Variants in PCSK2 observed in about 807,000 individuals in gnomAD.
PCSK2 encodes neuroendocrine convertase 2.
A neutral mutation model predicts 69.7 loss-of-function variants in PCSK2; 14 were observed. The ratio of observed to expected loss-of-function variants is 0.20; its 90% confidence interval spans 0.13 to 0.31. The LOEUF is 0.31. PCSK2 is among the 10% of genes least tolerant of loss of function. The probability of loss-of-function intolerance (pLI) is 1.00; values close to 1 mark genes in which losing one functional copy is unlikely to be tolerated. For missense variants in PCSK2, 544 were observed against 842.5 expected (o/e 0.65, Z 4.39); for synonymous variants, 307 against 320.7 (o/e 0.96, Z 0.46).
intron 2 of PCSK2, among the ~76,000 whole-genome samples, chr20:17,296,520 T>C (rs1236349982): frequency 6.6e-6 from 1 of 152,166 alleles, no homozygotes; most frequent in East Asian, 1.9e-4. Flanking sequence ...TTCCAGAAAT[T>C]CTTCCAACCT....
intron 6 of PCSK2, among the ~76,000 whole-genome samples, chr20:17,422,093 A>C (rs1194366695): frequency 6.6e-6 from 1 of 152,186 alleles, no homozygotes; most frequent in African/African-American, 2.4e-5. Flanking sequence ...AAGCATGGAC[A>C]TGAAAAGAAC....
At chr20:17,457,441 C>T (rs191220709) in intron 10 of PCSK2, among the ~76,000 whole-genome samples, 185 of 152,306 alleles carry the variant, frequency 1.2e-3, no homozygotes, top group Non-Finnish European at 5.7e-4. Context: ...TAGTTCAACC[C>T]TCTACCTTCA....
intron 6 of PCSK2, among the ~76,000 whole-genome samples, chr20:17,423,183 TTA>T (rs1451489261): frequency 1.3e-5 from 2 of 152,162 alleles, no homozygotes; most frequent in African/African-American, 4.8e-5. Context: ...GAGCTTGATT[TTA>T]TATGTTTTAG....
At chr20:17,297,482 A>G (rs1988932751) in intron 2 of PCSK2, among the ~76,000 whole-genome samples, 1 of 152,236 alleles carries the variant, frequency 6.6e-6, no homozygotes, top group African/African-American at 2.4e-5. Context: ...TCCAGATTCA[A>G]CACTACCGTC....
chr20:17,303,503 A>AG (rs1989204134), intron 2 of PCSK2, among the ~76,000 whole-genome samples: 1 of 43,256 alleles, frequency 2.3e-5, no homozygotes, highest in African/African-American at 8.4e-5. Flanking sequence ...TTAATATAAT[A>AG]TATATTATAT....
At chr20:17,424,486 C>G (rs34784113) in intron 6 of PCSK2, among the ~76,000 whole-genome samples, 1 of 151,952 alleles carries the variant, frequency 6.6e-6, no homozygotes, top group Non-Finnish European at 1.5e-5. Context: ...TTTCTTGGCG[C>G]GGAGGGGGTT....
chr20:17,452,175 C>T (rs967906271), intron 8 of PCSK2, among the ~76,000 whole-genome samples: 54 of 152,000 alleles, frequency 3.6e-4, no homozygotes, highest in Non-Finnish European at 2.2e-4. Context: ...CCACCGCGCC[C>T]GGCCACACTT....
chr20:17,303,451 TATATTA>T (rs1989173914), intron 2 of PCSK2, among the ~76,000 whole-genome samples: 1 of 64,576 alleles, frequency 1.5e-5, no homozygotes, highest in South Asian at 3.4e-4. Context: ...TAATATATAT[TATATTA>T]AATATAATAT....
intron 2 of PCSK2, among the ~76,000 whole-genome samples, chr20:17,343,776 G>A (rs747821339): frequency 2.0e-5 from 3 of 152,242 alleles, no homozygotes; most frequent in Admixed American, 2.0e-4. Context: ...CCACTGTTGC[G>A]CCGTTAATGA....
At chr20:17,295,205 AC>A (rs1248845890) in intron 2 of PCSK2, among the ~76,000 whole-genome samples, 2 of 146,142 alleles carry the variant, frequency 1.4e-5, no homozygotes, top group Non-Finnish European at 1.5e-5. Context: ...CTGCATTTAT[AC>A]GCAGTTAACA....
intron 2 of PCSK2, among the ~76,000 whole-genome samples, chr20:17,315,171 G>C (rs1166293795): frequency 6.6e-6 from 1 of 152,048 alleles, no homozygotes; most frequent in African/African-American, 2.4e-5. Context: ...ACTAATTCCC[G>C]CTCTGATGCC....
chr20:17,381,364 A>C (rs974310097), intron 5 of PCSK2, among the ~76,000 whole-genome samples: 18 of 152,234 alleles, frequency 1.2e-4, no homozygotes, highest in African/African-American at 4.1e-4. Context: ...AGGCAGAAGA[A>C]TAAGATGTAT....
At chr20:17,364,162 T>C (rs142212406) in intron 4 of PCSK2, among the ~76,000 whole-genome samples, 371 of 150,032 alleles carry the variant, frequency 2.5e-3, no homozygotes, top group African/African-American at 8.6e-3. Flanking sequence ...ACCACCAGGA[T>C]GTGGAAATTC....
intron 5 of PCSK2, among the ~76,000 whole-genome samples, chr20:17,397,465 A>G (rs1419520875): frequency 6.9e-6 from 1 of 144,990 alleles, no homozygotes; most frequent in Non-Finnish European, 1.5e-5. Flanking sequence ...CTCAACTACC[A>G]GAAGCACAAA....
At chr20:17,443,894 A>T (rs2032646300) in intron 8 of PCSK2, among the ~76,000 whole-genome samples, 1 of 152,226 alleles carries the variant, frequency 6.6e-6, no homozygotes. Flanking sequence ...AAGTGGAGTG[A>T]GTATGATGAA....
intron 7 of PCSK2, among the ~76,000 whole-genome samples, chr20:17,432,413 T>G (rs2032386406): frequency 1.3e-5 from 2 of 152,264 alleles, no homozygotes; most frequent in South Asian, 4.1e-4. Context: ...CAAGCTTTAA[T>G]AACCCCAGGA....
chr20:17,294,464 C>G (rs1787428456), intron 2 of PCSK2, among the ~76,000 whole-genome samples: 1 of 152,162 alleles, frequency 6.6e-6, no homozygotes, highest in South Asian at 2.1e-4. Context: ...TCCTTTTTCC[C>G]TTTCTAGTCT....
intron 11 of PCSK2, among the ~76,000 whole-genome samples, chr20:17,481,238 C>A (rs2033393136): frequency 6.6e-6 from 1 of 151,820 alleles, no homozygotes; most frequent in Non-Finnish European, 1.5e-5. Context: ...AAAAATTAGC[C>A]AGGCGTGGTG....
At chr20:17,235,650 G>T (rs1934883) in intron 1 of PCSK2, among the ~76,000 whole-genome samples, 130,574 of 152,214 alleles carry the variant, frequency 0.86, 56,229 homozygotes, top group Admixed American at 0.9. Context: ...GCAAAGAGAT[G>T]GTCAGCCTTG....
Sources: gnomAD v4.1 joint callset for allele counts (sites outside exome capture counted in the v4.1 genomes callset) on GRCh38, gnomAD v4.1.1 for gene constraint, MANE v1.5 for transcripts, NCBI Gene and HGNC (gene_info 2026-07-23, HGNC 2026-07-21) for gene names.